ARHGEF4: variants seen among roughly 807,000 people sequenced by gnomAD.
The protein encoded by ARHGEF4 is Rho guanine nucleotide exchange factor 4.
In ARHGEF4, 119 loss-of-function variants were observed where a neutral mutation model predicts 162.0. That is an observed-to-expected ratio of 0.73 (90% confidence interval 0.63 to 0.86). The LOEUF (loss-of-function observed/expected upper bound fraction) is 0.86, where lower values mean the gene tolerates loss of function less well. ARHGEF4 is among the 40% of genes least tolerant of loss of function. The pLI is 0.00. For missense variants in ARHGEF4, 2,488 were observed against 2,456.0 expected (o/e 1.01, Z -0.28); for synonymous variants, 1,014 against 979.9 (o/e 1.03, Z -0.65).
At chr2:130,940,567 G>A (rs187394841) in intron 3 of ARHGEF4, among the ~76,000 whole-genome samples, 18 of 151,942 alleles carry the variant, frequency 1.2e-4, no homozygotes, top group Admixed American at 3.3e-4. Context: ...TAGGCCGGGC[G>A]CGGTGGCTCA....
intron 4 of ARHGEF4, among the ~76,000 whole-genome samples, chr2:130,989,326 T>G (rs964005976): frequency 2.0e-5 from 3 of 152,218 alleles, no homozygotes; most frequent in Non-Finnish European, 4.4e-5. Flanking sequence ...GTATATAAAT[T>G]TGAAGGTTTC....
chr2:131,012,998 A>G (rs1688563322), intron 4 of ARHGEF4, among the ~76,000 whole-genome samples: 1 of 152,254 alleles, frequency 6.6e-6, no homozygotes, highest in Non-Finnish European at 1.5e-5. Context: ...TTCAAGATCC[A>G]GGAAAAACTA....
At chr2:130,996,695 C>T (rs1005173235) in intron 4 of ARHGEF4, among the ~76,000 whole-genome samples, 8 of 152,170 alleles carry the variant, frequency 5.3e-5, no homozygotes, top group Non-Finnish European at 1.2e-4. Flanking sequence ...AGAATACCTG[C>T]ATTTGTTTTA....
In ARHGEF4 at chr2:131,040,077, C is replaced by T. The variant is rs766664929; in HGVS notation, c.4367C>T (p.Ala1456Val). The change falls in exon 7 of 14, where the codon GCG becomes GTG. Residue 1456 changes from alanine to valine, a missense_variant. Around this residue, in one of 6 missense-constraint regions of ARHGEF4, gnomAD observed 174 missense variants for 148.3 expected, o/e 1.17. Coordinates refer to ENST00000409359, the MANE Select transcript of ARHGEF4 (RefSeq NM_001367493.1). ...DDAPLAGNSGAEDGGAEAQSS... is the reference protein window; with the variant it reads ...DDAPLAGNSGVEDGGAEAQSS... ...GCCCCTCTGGCCGGGAACAGCGGAG[C>T]GGAGGACGGCGGGGCGGAGGCGCAG... 1.2e-6 allele frequency: 2 copies of T among 1,602,218 alleles called. No homozygotes were observed. The highest frequency in any genetic ancestry group is 8.5e-7 in the Non-Finnish European group (1 of 1,174,662).
chr2:130,964,220 G>C lies in ARHGEF4; in HGVS notation c.3985+17585G>C, dbSNP rs965848210. ...CGCGGCGCCGTGTCCCGCTCCTGGA[G>C]CCTGGAGAGCCTGCGCTCGGCCACC... On this transcript the variant is annotated intron_variant, in intron 4 of 13. Transcript: ENST00000409359. 8 of 985,432 alleles carry C rather than the reference G, an allele frequency of 8.1e-6. No homozygotes were observed. The African/African-American group carries it at 1.4e-4, about 17-fold the overall frequency. The allele number at this position is 985,432 out of a possible 1,614,324, so 61.0% of individuals were successfully genotyped here.
chr2:130,856,652 T>C (rs1001607462), intron 1 of ARHGEF4, among the ~76,000 whole-genome samples: 2 of 152,232 alleles, frequency 1.3e-5, no homozygotes, highest in Non-Finnish European at 2.9e-5. Flanking sequence ...AAATAATCCA[T>C]GTATCATTGT....
Position 130,916,674 on chromosome 2 carries a change from G to A in ARHGEF4, c.2728G>A (p.Ala910Thr). 3 of 1,550,658 alleles carry A rather than the reference G, an allele frequency of 1.9e-6. No individual in the cohort carries two copies. The highest frequency in any genetic ancestry group is 2.6e-6 in the Non-Finnish European group (3 of 1,147,010). Residue 910 changes from alanine to threonine, a missense_variant, in exon 2 of 14, where the codon GCC (alanine) becomes ACC (threonine). Transcript: ENST00000409359. ...TTEKKLRARL[A>T]LAHKTFSNFI... is the part of the protein sequence containing the mutation. ...GGAGAAAAAACTCAGGGCAAGGTTG[G>A]CCTTGGCTCATAAGACCTTTTCAAA...
intron 4 of ARHGEF4, among the ~76,000 whole-genome samples, chr2:130,976,349 CTGTGTG>C (rs70994727): frequency 2.0e-5 from 3 of 148,090 alleles, no homozygotes; most frequent in South Asian, 2.1e-4. Context: ...GTGTGTGTGT[CTGTGTG>C]TGTGTGTGTG....
Position 131,041,535 on chromosome 2 carries a change from A to G in ARHGEF4, c.4895+73A>G, listed in dbSNP as rs542342544. 9.0e-5 allele frequency: 133 copies of G among 1,473,548 alleles called. 2 individuals carry two copies. The Admixed American group carries it at 2.4e-3, about 27-fold the overall frequency. The allele number at this position is 1,473,548 out of a possible 1,614,324, so 91.3% of individuals were successfully genotyped here. On this transcript the variant is annotated intron_variant, in intron 9 of 13. Coordinates refer to ENST00000409359, the MANE Select transcript of ARHGEF4 (RefSeq NM_001367493.1). Reference sequence around the variant, plus strand: ...CCAGTCAGCCAGTTTGAGCATTAGCAGTGTGCTGGGCACTGCTGCAGCCCT... The same window carrying G: ...CCAGTCAGCCAGTTTGAGCATTAGCGGTGTGCTGGGCACTGCTGCAGCCCT...
At chr2:130,963,318 G>A (rs557131250) in intron 4 of ARHGEF4, among the ~76,000 whole-genome samples, 1 of 152,238 alleles carries the variant, frequency 6.6e-6, no homozygotes, top group South Asian at 2.1e-4. Context: ...GCAGATGAGG[G>A]TCGTGTCCCG....
chr2:130,899,400 C>G (rs1255230916), intron 1 of ARHGEF4, among the ~76,000 whole-genome samples: 1 of 152,150 alleles, frequency 6.6e-6, no homozygotes, highest in Non-Finnish European at 1.5e-5. Context: ...CAGGAGGCCT[C>G]CCTCGCTGAA....
At chr2:130,848,381 C>T (rs1313903505) in intron 1 of ARHGEF4, among the ~76,000 whole-genome samples, 9 of 152,218 alleles carry the variant, frequency 5.9e-5, no homozygotes, top group Admixed American at 1.3e-4. Context: ...CAGGCCCGTG[C>T]TGGGTGCCAG....
At chr2:130,893,276 C>G (rs1015961235) in intron 1 of ARHGEF4, among the ~76,000 whole-genome samples, 1 of 152,198 alleles carries the variant, frequency 6.6e-6, no homozygotes, top group African/African-American at 2.4e-5. Flanking sequence ...CCTGGCTCAC[C>G]TGGGAGGGGA....
intron 1 of ARHGEF4, among the ~76,000 whole-genome samples, chr2:130,877,827 A>G (rs72855922): frequency 0.021 from 3,192 of 152,252 alleles, 97 homozygotes; most frequent in East Asian, 0.12. Context: ...ATTATTTATC[A>G]TTCATCACTT....
At chr2:130,928,763 C>T (rs1482135024) in intron 2 of ARHGEF4, among the ~76,000 whole-genome samples, 1 of 152,174 alleles carries the variant, frequency 6.6e-6, no homozygotes, top group Non-Finnish European at 1.5e-5. Context: ...CTCATCATTT[C>T]TTAATGCTGC....
intron 9 of ARHGEF4, 44 bp from the exon 10 acceptor site, chr2:131,041,771 C>A (rs1394230040): frequency 1.9e-6 from 3 of 1,599,138 alleles, no homozygotes; most frequent in East Asian, 4.5e-5. Flanking sequence ...CACCCTTTCT[C>A]TGTCTCCAGC....
At chr2:130,960,707 G>A (rs926192054) in intron 4 of ARHGEF4, among the ~76,000 whole-genome samples, 1 of 152,072 alleles carries the variant, frequency 6.6e-6, no homozygotes, top group Non-Finnish European at 1.5e-5. Flanking sequence ...TTATGGGGAC[G>A]GAATCTTCCC....
chr2:130,934,743 C>T (rs1682836382), intron 3 of ARHGEF4, among the ~76,000 whole-genome samples: 1 of 152,170 alleles, frequency 6.6e-6, no homozygotes, highest in African/African-American at 2.4e-5. Context: ...AGGGTTTCAC[C>T]ATGTTGGCCA....
At chr2:131,033,066 T>G (rs1689976164) in intron 5 of ARHGEF4, among the ~76,000 whole-genome samples, 1 of 152,040 alleles carries the variant, frequency 6.6e-6, no homozygotes, top group African/African-American at 2.4e-5. Context: ...TTGCCCAGGC[T>G]GGTCTCGAAC....
Sources: gnomAD v4.1 joint callset for allele counts (sites outside exome capture counted in the v4.1 genomes callset) on GRCh38, gnomAD v4.1.1 for gene constraint, gnomAD v4.1.1 regional missense constraint, MANE v1.5 for transcripts, NCBI Gene and HGNC (gene_info 2026-07-23, HGNC 2026-07-21) for gene names.